PPP6R1: variants seen among roughly 807,000 people sequenced by gnomAD.
PPP6R1 encodes the protein protein phosphatase 6 regulatory subunit 1, also known as serine/threonine-protein phosphatase 6 regulatory subunit 1.
PPP6R1 carries 39 observed loss-of-function variants against 104.6 expected under a neutral mutation model. The observed-to-expected ratio is 0.37, with a 90% confidence interval of 0.29 to 0.49. The LOEUF (loss-of-function observed/expected upper bound fraction) is 0.49. Ranked by LOEUF, PPP6R1 falls within the 20% of genes least tolerant of loss-of-function variation. PPP6R1 has a pLI of 0.98. For missense variants in PPP6R1, 1,181 were observed against 1,155.8 expected, an observed-to-expected ratio of 1.02 and a Z score of -0.32; for synonymous variants, 549 against 479.0, an observed-to-expected ratio of 1.15 and a Z score of -1.91.
Position 55,231,884 on chromosome 19 carries a change from G to A in PPP6R1, c.2224C>T (p.Pro742Ser), listed in dbSNP as rs776373029. The change falls in exon 19 of 24, where the codon CCA (proline) becomes TCA (serine). Residue 742 changes from proline to serine, a missense_variant. Physicochemically the swap from Pro to Ser is moderately conservative, Grantham distance 74. Around this residue, in one of 2 missense-constraint regions of PPP6R1, gnomAD observed 1,042 missense variants for 955.6 expected, o/e 1.09. Coordinates refer to ENST00000412770, the MANE Select transcript of PPP6R1 (RefSeq NM_014931.4). ...EEELHTGPPAPQGPLSVPQGL... is the reference protein window; with the variant it reads ...EEELHTGPPASQGPLSVPQGL... ...TGGGGCACACTGAGGGGCCCCTGTGGGGCTGGAGGCCCAGTGTGCAGCTCT... is the reference window on the plus strand; with the variant it reads ...TGGGGCACACTGAGGGGCCCCTGTGAGGCTGGAGGCCCAGTGTGCAGCTCT... 33 of 1,510,618 alleles carry A rather than the reference G, an allele frequency of 2.2e-5. No individual in the cohort carries two copies. In the Admixed American group the frequency reaches 5.8e-4, roughly 27 times the overall value. The allele number at this position is 1,510,618 out of a possible 1,614,324, so 93.6% of individuals were successfully genotyped here. A position where few individuals can be genotyped will look rare whatever the true frequency, so the allele number is the denominator to read the frequency against.
At position 55,236,903 on chromosome 19, in the gene PPP6R1, C is replaced by A. The variant is rs374869794; in HGVS notation, c.1809+10G>T. 4 of 1,612,558 alleles carry A rather than the reference C, an allele frequency of 2.5e-6. No individual in the cohort carries two copies. The highest frequency in any genetic ancestry group is 3.4e-6 in the Non-Finnish European group (4 of 1,178,668). ...CACCCGCCACAACCAGGGGACAGGGCAGTACTCACGTTCTCATCGTCAGCA... is the reference window on the plus strand; with the variant it reads ...CACCCGCCACAACCAGGGGACAGGGAAGTACTCACGTTCTCATCGTCAGCA... On this transcript the variant is annotated intron_variant, in intron 16 of 23. Transcript: ENST00000412770.
intron 5 of PPP6R1, among the ~76,000 whole-genome samples, chr19:55,243,265 T>C (rs1309927997): frequency 2.0e-5 from 3 of 151,472 alleles, no homozygotes; most frequent in Admixed American, 2.0e-4. Context: ...ATAAAAAAAT[T>C]AGCCAGGCGC....
chr19:55,249,564 G>A (rs1195735986), intron 1 of PPP6R1, among the ~76,000 whole-genome samples: 1 of 152,028 alleles, frequency 6.6e-6, no homozygotes, highest in African/African-American at 2.4e-5. Flanking sequence ...TCTAAGGTTG[G>A]GTGTGGTGGC....
chr19:55,230,738 A>ACCCCCCCCC, intron 22 of PPP6R1, 36 bp downstream of exon 22: 13 of 925,594 alleles, frequency 1.4e-5, no homozygotes, highest in Non-Finnish European at 1.9e-5. Context: ...CACCAGCCCC[A>ACCCCCCCCC]CCCCCACCCC....
chr19:55,231,692 A>C (rs763338628), intron 19 of PPP6R1, 24 bp from the exon 20 acceptor site: 4 of 1,577,832 alleles, frequency 2.5e-6, no homozygotes, highest in Non-Finnish European at 8.6e-7. Flanking sequence ...GAGGCAGCCC[A>C]AGGGGGCAGC....
intron 1 of PPP6R1, among the ~76,000 whole-genome samples, chr19:55,251,089 G>T (rs1169124961): frequency 1.3e-5 from 2 of 152,140 alleles, no homozygotes; most frequent in African/African-American, 2.4e-5. Context: ...CCTCACAGAA[G>T]GGCCTTCCCT....
At chr19:55,228,805 G>A (rs1427814818), downstream of PPP6R1, 3 of 1,550,278 alleles carry the variant, frequency 1.9e-6, no homozygotes, top group African/African-American at 2.7e-5. Flanking sequence ...GTGGAGGGGA[G>A]GGCTCATGGT....
rs764998409 is a variant in PPP6R1, at chr19:55,245,543, G to A, written c.363C>T (p.Ala121=). Residue 121 remains alanine, a synonymous_variant, in exon 3 of 24, where the codon GCC becomes GCT. Transcript: ENST00000412770. This position sits in a 1 kb window ranked among gnomAD's most constrained non-coding sequence, Gnocchi z 6.4. ...TGCCCATGACCTTGCTGAAGAAGCT[G>A]GCCAGCAGTGGGTTGAGGCTGCCGG... The part of the protein sequence containing the change: ...QSTGSLNPLL[A]SFFSKVMGIL... The A allele has an allele frequency of 7.4e-6, 12 of 1,611,120 alleles. No individual in the cohort carries two copies. The South Asian group carries it at 1.2e-4, about 16-fold the overall frequency.
intron 21 of PPP6R1, 65 bp from the exon 22 acceptor site, chr19:55,230,949 A>G (rs927278956): frequency 1.5e-6 from 2 of 1,351,046 alleles, no homozygotes; most frequent in Non-Finnish European, 2.1e-6. Flanking sequence ...ACACCCTCAC[A>G]TCCCACCCGA....
chr19:55,231,301 T>G, intron 21 of PPP6R1, 109 bp downstream of exon 21: 1 of 1,335,150 alleles, frequency 7.5e-7, no homozygotes, highest in Non-Finnish European at 1.0e-6. Context: ...CTGGGGGTCC[T>G]GCAAAGGAGG....
At chr19:55,228,344 C>T (rs755163968), downstream of PPP6R1, 12 of 1,613,664 alleles carry the variant, frequency 7.4e-6, no homozygotes, top group Admixed American at 3.3e-5. Context: ...ACCAGGGCAG[C>T]GAACCAGGAC....
chr19:55,230,431 T>C lies in PPP6R1; in HGVS notation c.*97A>G, dbSNP rs1411860083. 4 of 1,548,886 alleles carry C rather than the reference T, an allele frequency of 2.6e-6. No homozygotes were observed. Among genetic ancestry groups the C allele is most frequent in the Non-Finnish European group, 3.5e-6 (4 of 1,132,524 alleles). On this transcript the variant is annotated 3_prime_UTR_variant, in exon 24 of 24. Transcript: ENST00000412770. ...AGAGAATGTGGGGGTGTCAGGGTGA[T>C]GAGGGCAATGGGGGCCATCGTGGGA...
At chr19:55,239,071 C>T (rs1424853725) in intron 15 of PPP6R1, 1 of 356,314 alleles carries the variant, frequency 2.8e-6, no homozygotes, top group East Asian at 6.7e-5. Context: ...GTCCCCACTA[C>T]CCTGAGCCCC....
At chr19:55,251,830 G>A (rs2087555914) in intron 1 of PPP6R1, among the ~76,000 whole-genome samples, 1 of 152,194 alleles carries the variant, frequency 6.6e-6, no homozygotes, top group Non-Finnish European at 1.5e-5. Context: ...TGATCTGGGT[G>A]TACCTGGGAC....
rs1216728591 is a variant in PPP6R1, at chr19:55,245,474, G to C, written c.414+18C>G. The C allele has an allele frequency of 6.2e-7, 1 of 1,610,368 alleles. No individual in the cohort carries two copies. Among genetic ancestry groups the C allele is most frequent in the Non-Finnish European group, 8.5e-7 (1 of 1,178,256 alleles). On this transcript the variant is annotated intron_variant, in intron 3 of 23. Transcript: ENST00000412770. The surrounding 1 kb of genome is among the most constrained non-coding windows in gnomAD (Gnocchi z 6.4). The stretch of plus-strand genomic sequence containing the variant: ...CACCCCTCAACCCACGGTGGCGCCA[G>C]GGTGGGGGCCAGGGCACCTGGTCTG...
At chr19:55,246,768 A>T in intron 2 of PPP6R1, 109 bp downstream of exon 2, 1 of 1,092,912 alleles carries the variant, frequency 9.1e-7, no homozygotes, top group Non-Finnish European at 1.3e-6. Flanking sequence ...CTCATCCCCA[A>T]ACTGGAGTTT....
At chr19:55,253,821 G>A (rs1316083204) in intron 1 of PPP6R1, among the ~76,000 whole-genome samples, 2 of 152,212 alleles carry the variant, frequency 1.3e-5, no homozygotes, top group Non-Finnish European at 1.5e-5. Context: ...TGCGAATGGA[G>A]CAGGAGAGTG....
chr19:55,242,345 C>T (rs1366061845), intron 6 of PPP6R1, 31 bp downstream of exon 6: 11 of 1,611,722 alleles, frequency 6.8e-6, no homozygotes, highest in Non-Finnish European at 9.3e-6. Context: ...AAGTCAGCTC[C>T]CCCCAGCCTT....
chr19:55,233,239 A>C (rs556431368), intron 17 of PPP6R1: 3 of 152,240 alleles, frequency 2.0e-5, no homozygotes, highest in African/African-American at 7.2e-5. Flanking sequence ...GGAAAGTAAT[A>C]TATCTGTATA....
Sources: allele counts gnomAD v4.1 joint callset (sites outside exome capture counted in the v4.1 genomes callset), GRCh38; gene constraint gnomAD v4.1.1; regional missense constraint gnomAD v4.1.1; non-coding constraint Gnocchi (gnomAD v3.1); transcripts MANE v1.5; gene names NCBI Gene and HGNC (gene_info 2026-07-23, HGNC 2026-07-21).